Variants in SH3PXD2A observed in about 807,000 individuals in gnomAD.
SH3PXD2A encodes SH3 and PX domain-containing protein 2A.
In SH3PXD2A, 32 loss-of-function variants were observed where a neutral mutation model predicts 115.2. That is an observed-to-expected ratio of 0.28 (90% CI 0.21 to 0.37). The LOEUF is 0.37. Ranked by LOEUF, SH3PXD2A falls within the 10% of genes least tolerant of loss-of-function variation. The probability of loss-of-function intolerance (pLI) is 1.00; values close to 1 mark genes in which losing one functional copy is unlikely to be tolerated. For synonymous variants in SH3PXD2A, 610 were observed against 629.1 expected (o/e 0.97, Z 0.45); for missense variants, 1,328 against 1,498.7 (o/e 0.89, Z 1.88).
At chr10:103,851,929 A>G (rs1223831223) in intron 1 of SH3PXD2A, among the ~76,000 whole-genome samples, 1 of 152,230 alleles carries the variant, frequency 6.6e-6, no homozygotes, top group Non-Finnish European at 1.5e-5. Flanking sequence ...CTACCACATG[A>G]ATTGATATAT....
chr10:103,822,774 A>T (rs1039496799), intron 1 of SH3PXD2A, among the ~76,000 whole-genome samples: 14 of 152,258 alleles, frequency 9.2e-5, no homozygotes, highest in South Asian at 2.1e-4. Flanking sequence ...ACCCAAAAAA[A>T]TTTTTAAATG....
At chr10:103,655,150 G>A (rs1405938925) in intron 8 of SH3PXD2A, among the ~76,000 whole-genome samples, 1 of 152,212 alleles carries the variant, frequency 6.6e-6, no homozygotes, top group East Asian at 1.9e-4. Context: ...CTGAAGAGAA[G>A]GGCTGTCAGT....
At chr10:103,769,169 T>C (rs1564884513) in intron 2 of SH3PXD2A, among the ~76,000 whole-genome samples, 1 of 112,384 alleles carries the variant, frequency 8.9e-6, no homozygotes, top group African/African-American at 4.7e-5. Context: ...TGTGTGTGTG[T>C]GTGTGTGTGT....
chr10:103,738,361 G>T (rs2038404868), intron 3 of SH3PXD2A, among the ~76,000 whole-genome samples: 1 of 152,194 alleles, frequency 6.6e-6, no homozygotes, highest in African/African-American at 2.4e-5. Context: ...CATGTGTGAG[G>T]CCAGGGGGAG....
chr10:103,785,948 A>G (rs557511145), intron 2 of SH3PXD2A, among the ~76,000 whole-genome samples: 1 of 152,118 alleles, frequency 6.6e-6, no homozygotes, highest in Admixed American at 6.5e-5. Context: ...GAAAGGTCAC[A>G]GGAACAAACA....
intron 1 of SH3PXD2A, among the ~76,000 whole-genome samples, chr10:103,805,007 A>C (rs1425943184): frequency 2.0e-5 from 3 of 152,130 alleles, no homozygotes; most frequent in African/African-American, 7.2e-5. Flanking sequence ...AAATGTGAGG[A>C]GGGCCCAAGA....
rs1207545421 is a variant in SH3PXD2A, at chr10:103,704,410, ACTGGTGG to A, written c.399-11361_399-11355del. On this transcript the variant is annotated intron_variant, in intron 5 of 14. Coordinates refer to ENST00000369774, the MANE Select transcript of SH3PXD2A (RefSeq NM_001394015.1). ...GGTAAAGCCACTTTGCTGAGACCACACTGGTGGCTGGTGGCTGGCAGCACTGGGGGTG... is the reference window on the plus strand; with the variant it reads ...GGTAAAGCCACTTTGCTGAGACCACACTGGTGGCTGGCAGCACTGGGGGTG... Among the ~76,000 whole-genome samples, 4 of 152,168 alleles carry A rather than the reference ACTGGTGG, an allele frequency of 2.6e-5. No individual in the cohort carries two copies. The East Asian group carries it at 5.8e-4, about 22-fold the overall frequency.
intron 5 of SH3PXD2A, among the ~76,000 whole-genome samples, chr10:103,721,699 G>A (rs1225714902): frequency 6.6e-6 from 1 of 152,204 alleles, no homozygotes; most frequent in Non-Finnish European, 1.5e-5. Context: ...CAGAAAATGA[G>A]AGGCTTGGAG....
Position 103,603,245 on chromosome 10 carries a change from G to A in SH3PXD2A, c.1973C>T (p.Pro658Leu). ...TGATGACTTGGGGGAGCCTGATTTG[G>A]GGGAGTTTTTCCTGGTCAGGGACAG... ...SSLSLTRKNS[P>L]KSGSPKSSSL... is the part of the protein sequence containing the mutation. Residue 658 changes from proline (P) to leucine (L), a missense_variant, in exon 15 of 15, where the codon CCC (proline) becomes CTC (leucine). Around this residue, in one of 5 missense-constraint regions of SH3PXD2A, gnomAD observed 574 missense variants for 565.7 expected, o/e 1.01. Transcript: ENST00000369774. 1 of 1,614,142 alleles carries A rather than the reference G, an allele frequency of 6.2e-7. No homozygotes were observed. Among genetic ancestry groups the A allele is most frequent in the South Asian group, 1.1e-5 (1 of 91,088 alleles).
intron 8 of SH3PXD2A, among the ~76,000 whole-genome samples, chr10:103,643,154 T>C (rs1052507690): frequency 2.0e-5 from 3 of 152,144 alleles, no homozygotes; most frequent in African/African-American, 7.2e-5. Flanking sequence ...ATTCTTCTAC[T>C]TGGTGTGGGG....
chr10:103,636,223 A>G (rs937927810), intron 8 of SH3PXD2A, among the ~76,000 whole-genome samples: 5 of 152,272 alleles, frequency 3.3e-5, no homozygotes, highest in Admixed American at 6.5e-5. Flanking sequence ...CCTGGCCAAC[A>G]TAGTGAAACC....
intron 10 of SH3PXD2A, among the ~76,000 whole-genome samples, chr10:103,619,831 CTGGATGGGAGGCTCG>C: frequency 6.6e-6 from 1 of 152,326 alleles, no homozygotes; most frequent in African/African-American, 2.4e-5. Flanking sequence ...GTGAGAGCTC[CTGGATGGGAGGCTCG>C]TCCTGCCCCG....
intron 5 of SH3PXD2A, among the ~76,000 whole-genome samples, chr10:103,702,582 A>AGCCTGTGTGTGTGCGTGTGT (rs2037928094): frequency 2.5e-5 from 1 of 40,268 alleles, no homozygotes; most frequent in Non-Finnish European, 4.5e-5. Flanking sequence ...AACAGATGTA[A>AGCCTGTGTGTGTGCGTGTGT]GCCTGTGTGT....
intron 8 of SH3PXD2A, among the ~76,000 whole-genome samples, chr10:103,656,888 C>T (rs1173591099): frequency 2.6e-5 from 4 of 151,228 alleles, no homozygotes; most frequent in South Asian, 2.1e-4. Context: ...TGCTTTGGCT[C>T]GTGCTGACTT....
intron 9 of SH3PXD2A, among the ~76,000 whole-genome samples, chr10:103,624,259 C>T (rs1448715306): frequency 3.9e-5 from 6 of 152,226 alleles, no homozygotes; most frequent in Admixed American, 6.5e-5. Flanking sequence ...ATGGGGTACA[C>T]GCCTTTGGTA....
chr10:103,763,100 G>A (rs929028143), intron 3 of SH3PXD2A, among the ~76,000 whole-genome samples: 1 of 152,010 alleles, frequency 6.6e-6, no homozygotes, highest in African/African-American at 2.4e-5. Flanking sequence ...TGTGTCCTAG[G>A]TCCCAAGACT....
intron 14 of SH3PXD2A, 150 bp downstream of exon 14, chr10:103,605,648 G>C: frequency 1.1e-6 from 1 of 934,718 alleles, no homozygotes; most frequent in Non-Finnish European, 1.7e-6. Context: ...GCCAGCGCCA[G>C]GCAGATGCTC....
intron 3 of SH3PXD2A, 117 bp downstream of exon 3, chr10:103,766,977 C>G: frequency 1.5e-5 from 11 of 720,678 alleles, no homozygotes; most frequent in Non-Finnish European, 2.4e-5. Flanking sequence ...TGTTCATATG[C>G]AGATTCCTGG....
chr10:103,666,956 C>T lies in SH3PXD2A; in HGVS notation c.472+1652G>A, dbSNP rs7920224. ...CCCAGACCCTACCTTCAGCAGGTAA[C>T]GGGTACTTGCCAGCTGGATTGAGAG... On this transcript the variant is annotated intron_variant, in intron 7 of 14. Coordinates refer to ENST00000369774, the MANE Select transcript of SH3PXD2A (RefSeq NM_001394015.1). This position sits in a 1 kb window ranked among gnomAD's most constrained non-coding sequence, Gnocchi z 4.5. Among the ~76,000 whole-genome samples, 7,362 of 152,206 alleles carry T rather than the reference C, an allele frequency of 0.048. 577 individuals carry two copies. The highest frequency in any genetic ancestry group is 0.17 in the African/African-American group (6,912 of 41,506).
Sources: gnomAD v4.1 joint callset for allele counts (sites outside exome capture counted in the v4.1 genomes callset) on GRCh38, gnomAD v4.1.1 for gene constraint, gnomAD v4.1.1 regional missense constraint, Gnocchi (gnomAD v3.1) non-coding constraint, MANE v1.5 for transcripts, NCBI Gene and HGNC (gene_info 2026-07-23, HGNC 2026-07-21) for gene names.